Variants in TECTA observed in about 807,000 individuals in gnomAD.
TECTA encodes tectorin alpha, also known as alpha-tectorin.
In TECTA, 128 loss-of-function variants were observed where a neutral mutation model predicts 216.8. The observed-to-expected ratio is 0.59, with a 90% confidence interval of 0.51 to 0.68. TECTA has a LOEUF of 0.68. TECTA is among the 30% of genes least tolerant of loss of function. TECTA has a pLI of 0.00. For synonymous variants in TECTA, 1,089 were observed against 1,117.1 expected (o/e 0.97, Z 0.50); for missense variants, 2,551 against 2,786.2 (o/e 0.92, Z 1.90).
chr11:121,114,207 A>C (rs1163770020), intron 6 of TECTA, among the ~76,000 whole-genome samples: 1 of 152,202 alleles, frequency 6.6e-6, no homozygotes, highest in Non-Finnish European at 1.5e-5. Context: ...TATGATTAGA[A>C]AAAAAAGAAA....
At position 121,166,702 on chromosome 11, in the gene TECTA, G is replaced by C; in HGVS notation, c.5508G>C (p.Gln1836His). 1 of 1,614,190 alleles carries C rather than the reference G, an allele frequency of 6.2e-7. No individual in the cohort carries two copies. The highest frequency in any genetic ancestry group is 8.5e-7 in the Non-Finnish European group (1 of 1,180,038). ...EREGVRINDR[Q>H]CTGIEGEDFI... ...AGGGCGTGAGGATCAATGACAGACA[G>C]TGCACCGGCATCGAGGGGGAAGATT... Residue 1836 changes from glutamine to histidine, a missense_variant, in exon 18 of 24, where the codon CAG becomes CAC. Gln to His is a conservative substitution (Grantham distance 24). This residue lies in a region of TECTA where 2,375 missense variants were observed against 2,563.9 expected (regional missense o/e 0.93). Transcript: ENST00000392793.
rs1406639075 is a variant in TECTA at position 121,113,092 on chromosome 11, C to T, written c.507C>T (p.Val169=). ...STTPVNTFQA[V]LVSDGSYTFT... is the part of the protein sequence containing the mutation. ...TGTAGGTGAACACCTTCCAGGCCGT[C>T]CTAGTGTCCGATGGCTCCTATACAT... Residue 169 remains valine (V), a synonymous_variant, in exon 5 of 24, where the codon GTC becomes GTT. Transcript: ENST00000392793. The surrounding 1 kb of genome is among the most constrained non-coding windows in gnomAD (Gnocchi z 4.2). 7 of 1,614,010 alleles carry T rather than the reference C, an allele frequency of 4.3e-6. No homozygotes were observed. The African/African-American group carries it at 5.3e-5, about 12-fold the overall frequency.
chr11:121,132,575 G>A (rs866304523), intron 10 of TECTA, among the ~76,000 whole-genome samples: 2 of 152,124 alleles, frequency 1.3e-5, no homozygotes. Context: ...GGAAGTGCAT[G>A]TATGTGCCTA....
At chr11:121,158,564 A>G (rs1946967811) in intron 14 of TECTA, among the ~76,000 whole-genome samples, 1 of 152,234 alleles carries the variant, frequency 6.6e-6, no homozygotes, top group Admixed American at 6.5e-5. Context: ...ATTTGTTTTT[A>G]ACAGCCCTTA....
Position 121,125,763 on chromosome 11 carries a change from C to T in TECTA, c.1665C>T (p.Cys555=), listed in dbSNP as rs1303378982. 1 of 1,614,166 alleles carries T rather than the reference C, an allele frequency of 6.2e-7. No individual in the cohort carries two copies. The highest frequency in any genetic ancestry group is 1.1e-5 in the South Asian group (1 of 91,072). Residue 555 remains cysteine (C), a synonymous_variant, in exon 8 of 24, where the codon TGC becomes TGT. Transcript: ENST00000392793. ...TGCACAGCTGCGTGTATGACCTGTG[C>T]AGTGTGAGGGACAATGGCACGCTCC... is the stretch of plus-strand genomic sequence containing the variant. ...AFVHSCVYDL[C]SVRDNGTLLC...
intron 7 of TECTA, 121 bp downstream of exon 7, chr11:121,118,839 C>G: frequency 7.7e-7 from 1 of 1,294,626 alleles, no homozygotes; most frequent in Non-Finnish European, 1.1e-6. Context: ...AAGAGATGCA[C>G]AGCTCTCCCC....
chr11:121,147,083 G>A (rs1946845376), intron 12 of TECTA, among the ~76,000 whole-genome samples: 2 of 152,102 alleles, frequency 1.3e-5, no homozygotes, highest in Non-Finnish European at 2.9e-5. Flanking sequence ...AACTTGTGGG[G>A]GTGGGGGGGA....
In TECTA at chr11:121,189,752, G is replaced by T; in HGVS notation, c.6251-12G>T. Reference sequence around the variant, plus strand: ...CTGTCTGTAGTTAATCTTCCTAACTGCTCTTTTGTAGGGCTGGACTGGTGT... The same window carrying T: ...CTGTCTGTAGTTAATCTTCCTAACTTCTCTTTTGTAGGGCTGGACTGGTGT... On this transcript the variant is annotated splice_polypyrimidine_tract_variant and intron_variant, in intron 22 of 23. Coordinates refer to ENST00000392793, the MANE Select transcript of TECTA (RefSeq NM_005422.4). 1 of 1,612,090 alleles carries T rather than the reference G, an allele frequency of 6.2e-7. No individual in the cohort carries two copies. Among genetic ancestry groups the T allele is most frequent in the Non-Finnish European group, 8.5e-7 (1 of 1,178,346 alleles).
chr11:121,114,641 C>T (rs1436093771), intron 6 of TECTA, among the ~76,000 whole-genome samples: 36 of 85,062 alleles, frequency 4.2e-4, no homozygotes, highest in African/African-American at 8.4e-4. Flanking sequence ...ACCCATCCAC[C>T]CACCCATCCA....
chr11:121,137,253 T>A (rs1245497600), intron 10 of TECTA, among the ~76,000 whole-genome samples, 168 bp from the exon 11 acceptor site: 2 of 151,604 alleles, frequency 1.3e-5, no homozygotes, highest in East Asian at 3.9e-4. Flanking sequence ...CACACGCACG[T>A]GCACACACAC....
intron 20 of TECTA, among the ~76,000 whole-genome samples, chr11:121,169,432 CGAATGAAT>C (rs538928546): frequency 7.2e-5 from 11 of 152,002 alleles, no homozygotes; most frequent in African/African-American, 2.2e-4. Flanking sequence ...CAAAAATTCT[CGAATGAAT>C]GAATGAATGA....
Position 121,125,401 on chromosome 11 carries a change from C to A in TECTA, c.1303C>A (p.Leu435Ile), listed in dbSNP as rs1222242441. The A allele has an allele frequency of 5.6e-6, 9 of 1,614,100 alleles. No homozygotes were observed. The highest frequency in any genetic ancestry group is 1.3e-5 in the African/African-American group (1 of 74,936). The change falls in exon 8 of 24, where the codon CTC becomes ATC. Residue 435 changes from leucine (L) to isoleucine (I), a missense_variant. Coordinates refer to ENST00000392793, the MANE Select transcript of TECTA (RefSeq NM_005422.4). Reference sequence around the variant, plus strand: ...TACTGCCGTGGAAACAGATTTTGGGCTCTTAGTGACTTTTGATGGCCAGCA... The same window carrying A: ...TACTGCCGTGGAAACAGATTTTGGGATCTTAGTGACTTTTGATGGCCAGCA... ...ISTAVETDFG[L>I]LVTFDGQHYA...
chr11:121,133,678 C>A (rs981118622), intron 10 of TECTA, among the ~76,000 whole-genome samples: 2 of 152,216 alleles, frequency 1.3e-5, no homozygotes, highest in Non-Finnish European at 2.9e-5. Flanking sequence ...TCCTGAGGAT[C>A]TTCAGCTGTG....
intron 22 of TECTA, 107 bp downstream of exon 22, chr11:121,189,274 TTGGGG>T: frequency 1.8e-6 from 2 of 1,101,544 alleles, no homozygotes; most frequent in Non-Finnish European, 2.8e-6. Flanking sequence ...GAGGCTGGTG[TTGGGG>T]ACACCGGTTT....
In TECTA at chr11:121,113,536, T is replaced by G; in HGVS notation, c.625-17T>G. On this transcript the variant is annotated splice_polypyrimidine_tract_variant and intron_variant, in intron 5 of 23. Transcript: ENST00000392793. The surrounding 1 kb of genome is among the most constrained non-coding windows in gnomAD (Gnocchi z 4.2). The stretch of plus-strand genomic sequence containing the variant: ...AATTTTTGTACTCAAAAATCTTGTC[T>G]TCCTTTTGTGCTGCAGGCAGGATTT... The G allele has an allele frequency of 6.2e-7, 1 of 1,614,072 alleles. No individual in the cohort carries two copies. Among genetic ancestry groups the G allele is most frequent in the Non-Finnish European group, 8.5e-7 (1 of 1,180,030 alleles).
intron 12 of TECTA, among the ~76,000 whole-genome samples, chr11:121,150,924 G>T (rs1387115595): frequency 1.3e-5 from 2 of 152,062 alleles, no homozygotes; most frequent in African/African-American, 4.8e-5. Context: ...GATTACAGGC[G>T]TGAGCCACTG....
chr11:121,123,878 C>T (rs1404520579), intron 7 of TECTA, among the ~76,000 whole-genome samples: 1 of 152,170 alleles, frequency 6.6e-6, no homozygotes, highest in Non-Finnish European at 1.5e-5. Context: ...TGCTGTCTCT[C>T]TCCAGCCACG....
chr11:121,158,949 C>T (rs1173718309), intron 14 of TECTA, among the ~76,000 whole-genome samples: 1 of 152,182 alleles, frequency 6.6e-6, no homozygotes, highest in African/African-American at 2.4e-5. Flanking sequence ...TTGACGGTGA[C>T]CCAGCCTCTC....
chr11:121,150,373 C>T (rs1946877770), intron 12 of TECTA, among the ~76,000 whole-genome samples: 1 of 152,086 alleles, frequency 6.6e-6, no homozygotes, highest in Non-Finnish European at 1.5e-5. Context: ...AAAGATTAAA[C>T]AGAAAAAAAT....
Sources: gnomAD v4.1 joint callset for allele counts (sites outside exome capture counted in the v4.1 genomes callset) on GRCh38, gnomAD v4.1.1 for gene constraint, gnomAD v4.1.1 regional missense constraint, Gnocchi (gnomAD v3.1) non-coding constraint, MANE v1.5 for transcripts, NCBI Gene and HGNC (gene_info 2026-07-23, HGNC 2026-07-21) for gene names.